The following MICAL3 variants were observed in gnomAD, a reference collection of about 807,000 sequenced individuals.
MICAL3 encodes the protein microtubule associated monooxygenase, calponin and LIM domain containing 3, also known as [F-actin]-monooxygenase MICAL3.
A neutral mutation model predicts 207.4 loss-of-function variants in MICAL3; 62 were observed. That is an observed-to-expected ratio of 0.30 (90% CI 0.24 to 0.37). The LOEUF (loss-of-function observed/expected upper bound fraction) is 0.37. Among genes scored for constraint, MICAL3 ranks in the 10% least tolerant of loss-of-function variants. The pLI is 1.00. For missense variants in MICAL3, 2,368 were observed against 2,635.6 expected, an observed-to-expected ratio of 0.90 and a Z score of 2.22; for synonymous variants, 1,077 against 1,069.3, an observed-to-expected ratio of 1.01 and a Z score of -0.14.
chr22:17,837,533 T>A (rs970459237), intron 20 of MICAL3, among the ~76,000 whole-genome samples: 1 of 152,176 alleles, frequency 6.6e-6, no homozygotes, highest in East Asian at 1.9e-4. Flanking sequence ...AGGAAGGCAG[T>A]CAGGGAAAAC....
chr22:17,903,992 T>C (rs1445796275), intron 3 of MICAL3, among the ~76,000 whole-genome samples: 2 of 152,246 alleles, frequency 1.3e-5, no homozygotes, highest in Non-Finnish European at 2.9e-5. Context: ...TTGCATTAAC[T>C]TGTATTCATA....
At position 17,932,890 on chromosome 22, in the gene MICAL3, G is replaced by C. The variant is rs193139675; in HGVS notation, c.-74-26004C>G. 2.5e-3 allele frequency among the ~76,000 whole-genome samples: 382 copies of C among 152,278 alleles called. 2 individuals carry two copies. The highest frequency in any genetic ancestry group is 8.4e-3 in the African/African-American group (351 of 41,556). On this transcript the variant is annotated intron_variant, in intron 1 of 31. Transcript: ENST00000441493. The stretch of plus-strand genomic sequence containing the variant: ...AGACAAAGAAGGCCATTACATAATG[G>C]TAAAGGGATCAATTCAACAAGAAGA...
At chr22:17,919,124 G>A (rs1016939460) in intron 1 of MICAL3, among the ~76,000 whole-genome samples, 1 of 146,336 alleles carries the variant, frequency 6.8e-6, no homozygotes, top group African/African-American at 2.7e-5. Flanking sequence ...AGCCTGGAGT[G>A]CAGTGGCATA....
chr22:17,853,326 C>T (rs780705999), intron 19 of MICAL3, among the ~76,000 whole-genome samples: 1 of 152,200 alleles, frequency 6.6e-6, no homozygotes, highest in Non-Finnish European at 1.5e-5. Context: ...AGCCTGGAGA[C>T]AGCCAAGCTC....
At chr22:17,889,278 T>C (rs1021006592) in intron 12 of MICAL3, 48 bp from the exon 13 acceptor site, 2 of 1,412,960 alleles carry the variant, frequency 1.4e-6, no homozygotes, top group African/African-American at 2.8e-5. Context: ...TGACAGTCCT[T>C]AAACAGAAAC....
intron 1 of MICAL3, among the ~76,000 whole-genome samples, chr22:17,966,327 C>T (rs768210281): frequency 1.3e-5 from 2 of 152,120 alleles, no homozygotes; most frequent in South Asian, 2.1e-4. Flanking sequence ...CACACCTGAG[C>T]GCTCCTCCTC....
chr22:17,894,048 A>T (rs895756570), intron 10 of MICAL3, 144 bp from the exon 11 acceptor site: 5 of 636,774 alleles, frequency 7.9e-6, no homozygotes, highest in Admixed American at 5.4e-5. Context: ...TGACCTTTAA[A>T]TCTTTTATGA....
chr22:17,810,041 A>C (rs2062027001), intron 28 of MICAL3, among the ~76,000 whole-genome samples: 1 of 141,934 alleles, frequency 7.0e-6, no homozygotes, highest in Non-Finnish European at 1.5e-5. Flanking sequence ...GGGGCCCGCC[A>C]CTATGCCTGG....
intron 1 of MICAL3, among the ~76,000 whole-genome samples, chr22:18,021,888 A>G (rs58725145): frequency 0.19 from 28,977 of 152,092 alleles, 3,273 homozygotes; most frequent in East Asian, 0.38. Context: ...CGTGCCCAAG[A>G]GTTTCAGAAG....
intron 20 of MICAL3, chr22:17,834,625 A>C (rs2146050492): frequency 1.9e-6 from 2 of 1,071,904 alleles, no homozygotes; most frequent in Non-Finnish European, 2.3e-6. Flanking sequence ...AGGTGTACGC[A>C]CATCATGCTA....
At chr22:17,972,614 G>A (rs966661506) in intron 1 of MICAL3, among the ~76,000 whole-genome samples, 1 of 152,156 alleles carries the variant, frequency 6.6e-6, no homozygotes, top group African/African-American at 2.4e-5. Flanking sequence ...ACAGGTCAGG[G>A]TCCGGGGCTG....
intron 1 of MICAL3, among the ~76,000 whole-genome samples, chr22:17,956,108 G>A (rs963091846): frequency 1.3e-5 from 2 of 152,210 alleles, no homozygotes; most frequent in African/African-American, 4.8e-5. Flanking sequence ...GAGCTGCAGA[G>A]GGCACACACA....
At chr22:17,855,794 G>T (rs967245780) in intron 19 of MICAL3, among the ~76,000 whole-genome samples, 1 of 152,192 alleles carries the variant, frequency 6.6e-6, no homozygotes, top group African/African-American at 2.4e-5. Flanking sequence ...CAAATTGGGA[G>T]ACCTGTATTT....
Position 17,817,763 on chromosome 22 carries a change from C to A in MICAL3, c.4898G>T (p.Arg1633Leu), listed in dbSNP as rs772989638. 1.9e-6 allele frequency: 3 copies of A among 1,592,748 alleles called. No individual in the cohort carries two copies. The highest frequency in any genetic ancestry group is 2.6e-6 in the Non-Finnish European group (3 of 1,169,518). ...MELASGAPRP[R>L]KASSAPSQGK... Reference sequence around the variant, plus strand: ...CTGGGAGGGTGCTGAGGACGCCTTGCGGGGCCTGGGGGCGCCTGAGGCCAG... The same window carrying A: ...CTGGGAGGGTGCTGAGGACGCCTTGAGGGGCCTGGGGGCGCCTGAGGCCAG... Residue 1633 changes from arginine (R) to leucine (L), a missense_variant, in exon 26 of 32, where the codon CGC becomes CTC. Physicochemically the swap from Arg to Leu is moderately radical, Grantham distance 102 (BLOSUM62 -2). Transcript: ENST00000441493.
At chr22:18,013,756 T>C (rs8142200) in intron 1 of MICAL3, among the ~76,000 whole-genome samples, 35,636 of 152,136 alleles carry the variant, frequency 0.23, 5,039 homozygotes, top group East Asian at 0.47. Context: ...CAAAGATTAC[T>C]GCTTCTGAGT....
At chr22:17,849,645 T>G in intron 19 of MICAL3, among the ~76,000 whole-genome samples, 1 of 8,876 alleles carries the variant, frequency 1.1e-4, no homozygotes, top group African/African-American at 5.8e-4. Flanking sequence ...CAGAATGGAA[T>G]GTGTGTGTGT....
At chr22:17,884,228 A>G (rs774474830) in intron 16 of MICAL3, 9 of 1,365,134 alleles carry the variant, frequency 6.6e-6, no homozygotes, top group African/African-American at 3.0e-5. Flanking sequence ...GAGGGGTAGG[A>G]AGGCCTGGAG....
At chr22:17,912,244 T>C (rs561529949) in intron 1 of MICAL3, among the ~76,000 whole-genome samples, 1 of 152,324 alleles carries the variant, frequency 6.6e-6, no homozygotes, top group African/African-American at 2.4e-5. Context: ...TATAGCTTTA[T>C]AGTAAGTTTT....
chr22:17,831,793 C>T (rs544858698), intron 21 of MICAL3, 61 bp downstream of exon 21: 88 of 1,520,820 alleles, frequency 5.8e-5, no homozygotes, highest in South Asian at 3.0e-4. Flanking sequence ...CTTACACTCA[C>T]GCATGAAACA....
Sources: allele counts gnomAD v4.1 joint callset (sites outside exome capture counted in the v4.1 genomes callset), GRCh38; gene constraint gnomAD v4.1.1; transcripts MANE v1.5; gene names NCBI Gene and HGNC (gene_info 2026-07-23, HGNC 2026-07-21).